COPB2: variants seen among roughly 807,000 people sequenced by gnomAD.
The protein encoded by COPB2 is coatomer subunit beta'.
A neutral mutation model predicts 120.8 loss-of-function variants in COPB2; 16 were observed. The ratio of observed to expected loss-of-function variants is 0.13; its 90% confidence interval spans 0.09 to 0.20. The LOEUF is 0.20. Ranked by LOEUF, COPB2 falls within the 10% of genes least tolerant of loss-of-function variation. The probability of loss-of-function intolerance (pLI) is 1.00; values close to 1 mark genes in which losing one functional copy is unlikely to be tolerated. For synonymous variants in COPB2, 332 were observed against 366.3 expected (o/e 0.91, Z 1.07); for missense variants, 794 against 1,076.5 (o/e 0.74, Z 3.67).
rs1297675967 is a variant in COPB2, at chr3:139,357,763, TAAG to T, written c.*97_*99del. The T allele has an allele frequency of 1.1e-5, 6 of 557,318 alleles. No individual in the cohort carries two copies. In the East Asian group the frequency reaches 1.3e-4, roughly 12 times the overall value. The allele number at this position is 557,318 out of a possible 1,614,324, so 34.5% of individuals were successfully genotyped here. On this transcript the variant is annotated 3_prime_UTR_variant, in exon 22 of 22. Transcript: ENST00000333188. ...TCCACAGCATTTACATATAAAAATCTAAGAAGTTTCTCATAGTCCAAAGCACTG... is the reference window on the plus strand; with the variant it reads ...TCCACAGCATTTACATATAAAAATCTAAGTTTCTCATAGTCCAAAGCACTG...
At chr3:139,389,650 G>C, upstream of COPB2, 1 of 1,254,592 alleles carries the variant, frequency 8.0e-7, no homozygotes, top group Non-Finnish European at 1.1e-6. Context: ...GACTGACGTG[G>C]AACTTCCGGG....
intron 1 of COPB2, among the ~76,000 whole-genome samples, chr3:139,383,921 T>C (rs1008814135): frequency 2.0e-5 from 3 of 152,204 alleles, no homozygotes; most frequent in Non-Finnish European, 4.4e-5. Flanking sequence ...TGCAGAACTC[T>C]TTATAATCTG....
At chr3:139,385,318 T>TG (rs1941899669) in intron 1 of COPB2, 1 of 152,308 alleles carries the variant, frequency 6.6e-6, no homozygotes, top group Non-Finnish European at 1.5e-5. Context: ...ATTACAGGCG[T>TG]GAACCCCCGC....
Position 139,373,205 on chromosome 3 carries a change from T to C in COPB2, c.1094+8A>G. ...AGAAGCTGAGGGACAATTTTGGTGA[T>C]GGCTTACCGCCCATTAGGATTGTGC... On this transcript the variant is annotated splice_region_variant and intron_variant, in intron 9 of 21. Coordinates refer to ENST00000333188, the MANE Select transcript of COPB2 (RefSeq NM_004766.3). The C allele has an allele frequency of 6.2e-7, 1 of 1,613,810 alleles. No individual in the cohort carries two copies. The highest frequency in any genetic ancestry group is 1.7e-5 in the Admixed American group (1 of 60,008).
chr3:139,379,237 T>C (rs1941766337), intron 3 of COPB2, 64 bp from the exon 4 acceptor site: 1 of 1,554,444 alleles, frequency 6.4e-7, no homozygotes, highest in African/African-American at 1.4e-5. Context: ...AAAAACTATA[T>C]CACAGGCTCA....
chr3:139,382,878 A>G, intron 2 of COPB2: 1 of 172,732 alleles, frequency 5.8e-6, no homozygotes, highest in Non-Finnish European at 1.2e-5. Flanking sequence ...TCCCTGATAT[A>G]ATCTATATGG....
chr3:139,357,950 G>C lies in COPB2; in HGVS notation c.2634C>G (p.Leu878=). ...HTANKEEKSL[L]ELEVDLDNLE... is the part of the protein sequence containing the mutation. ...AATTATCCAAATCTACTTCTAGTTCGAGTAAACTCTGCAGACAAAAGGAAG... is the reference window on the plus strand; with the variant it reads ...AATTATCCAAATCTACTTCTAGTTCCAGTAAACTCTGCAGACAAAAGGAAG... The change falls in exon 22 of 22, where the codon CTC becomes CTG. Residue 878 remains leucine (L), a synonymous_variant. Transcript: ENST00000333188. 1 of 1,578,066 alleles carries C rather than the reference G, an allele frequency of 6.3e-7. No homozygotes were observed. The highest frequency in any genetic ancestry group is 8.7e-7 in the Non-Finnish European group (1 of 1,151,618).
chr3:139,378,285 A>G (rs1400381411), intron 4 of COPB2, 96 bp from the exon 5 acceptor site: 5 of 1,146,480 alleles, frequency 4.4e-6, no homozygotes, highest in Non-Finnish European at 5.9e-6. Flanking sequence ...AACACAAACC[A>G]TATAATCCAT....
intron 16 of COPB2, 91 bp from the exon 17 acceptor site, chr3:139,361,386 A>G (rs1941416569): frequency 7.8e-7 from 1 of 1,274,416 alleles, no homozygotes. Context: ...GACAATGTTT[A>G]TAAAAAGAGC....
intron 5 of COPB2, among the ~76,000 whole-genome samples, chr3:139,376,209 A>G (rs1175844650): frequency 2.0e-5 from 3 of 152,254 alleles, no homozygotes; most frequent in Non-Finnish European, 4.4e-5. Context: ...GTGAGCTGTG[A>G]TCATGCCACT....
intron 9 of COPB2, 57 bp downstream of exon 9, chr3:139,373,156 C>A: frequency 1.3e-6 from 2 of 1,552,690 alleles, no homozygotes; most frequent in Non-Finnish European, 1.8e-6. Context: ...GACTGTGGAT[C>A]TGCAAACCTG....
At position 139,379,023 on chromosome 3, in the gene COPB2, T is replaced by C. The variant is rs187394843; in HGVS notation, c.355+24A>G. 5.0e-5 allele frequency: 78 copies of C among 1,558,000 alleles called. 1 individual carries two copies. In the Middle Eastern group the frequency reaches 3.1e-3, roughly 62 times the overall value. Reference sequence around the variant, plus strand: ...AATGAATTACCCAAAGAGACGCACATGACCAAAAAAGGTCATCTCTTACCA... The same window carrying C: ...AATGAATTACCCAAAGAGACGCACACGACCAAAAAAGGTCATCTCTTACCA... On this transcript the variant is annotated intron_variant, in intron 4 of 21. Transcript: ENST00000333188.
chr3:139,361,395 G>T, intron 16 of COPB2, 100 bp from the exon 17 acceptor site: 1 of 1,207,380 alleles, frequency 8.3e-7, no homozygotes, highest in Non-Finnish European at 1.1e-6. Context: ...TATAAAAAGA[G>T]CTGTGTTTGT....
At chr3:139,379,503 A>C in intron 2 of COPB2, 37 bp from the exon 3 acceptor site, 1 of 1,560,284 alleles carries the variant, frequency 6.4e-7, no homozygotes, top group Non-Finnish European at 8.8e-7. Flanking sequence ...ATTGAGCTAT[A>C]AGAAAATAAC....
At chr3:139,379,345 G>A (rs1000993236) in intron 3 of COPB2, 35 bp downstream of exon 3, 4 of 1,597,324 alleles carry the variant, frequency 2.5e-6, no homozygotes, top group Non-Finnish European at 2.6e-6. Context: ...GACCAATTCA[G>A]AAAATGGGAA....
chr3:139,389,625 A>C lies in COPB2; in HGVS notation c.-75T>G. On this transcript the variant is annotated 5_prime_UTR_variant, in exon 1 of 22. Coordinates refer to ENST00000333188, the MANE Select transcript of COPB2 (RefSeq NM_004766.3). ...GGCCTTGAGATAAACCCACCGATCC[A>C]CTGACCGTCAGACTGACTGACGTGG... 9.0e-6 allele frequency: 13 copies of C among 1,441,836 alleles called. No homozygotes were observed. In the South Asian group the frequency reaches 1.5e-4, roughly 17 times the overall value. The allele number at this position is 1,441,836 out of a possible 1,614,324, so 89.3% of individuals were successfully genotyped here. A position where few individuals can be genotyped will look rare whatever the true frequency, so the allele number is the denominator to read the frequency against.
At chr3:139,381,589 T>G (rs1033795461) in intron 2 of COPB2, 1 of 152,102 alleles carries the variant, frequency 6.6e-6, no homozygotes, top group Non-Finnish European at 1.5e-5. Context: ...AAATTAAACA[T>G]GAAATTACCA....
chr3:139,374,289 G>A (rs917628653), intron 7 of COPB2, 200 bp downstream of exon 7: 6 of 533,482 alleles, frequency 1.1e-5, no homozygotes, highest in South Asian at 2.4e-5. Context: ...AAATACATGA[G>A]AATGATGACG....
At chr3:139,385,520 T>C (rs1019168767) in intron 1 of COPB2, 1 of 152,186 alleles carries the variant, frequency 6.6e-6, no homozygotes, top group Non-Finnish European at 1.5e-5. Flanking sequence ...GGTAACATAA[T>C]GTGTGATCAA....
Sources: gnomAD v4.1 joint callset for allele counts (sites outside exome capture counted in the v4.1 genomes callset) on GRCh38, gnomAD v4.1.1 for gene constraint, MANE v1.5 for transcripts, NCBI Gene and HGNC (gene_info 2026-07-23, HGNC 2026-07-21) for gene names.